PSEN1: variants seen among roughly 807,000 people sequenced by gnomAD.
PSEN1 encodes presenilin 1, also known as presenilin-1.
PSEN1 carries 15 observed loss-of-function variants against 53.5 expected under a neutral mutation model. That is an observed-to-expected ratio of 0.28 (90% CI 0.19 to 0.43). The LOEUF (loss-of-function observed/expected upper bound fraction) is 0.43. Ranked by LOEUF, PSEN1 falls within the 20% of genes least tolerant of loss-of-function variation. PSEN1 has a pLI of 1.00. For missense variants in PSEN1, 387 were observed against 571.2 expected, an observed-to-expected ratio of 0.68 and a Z score of 3.29; for synonymous variants, 208 against 209.8, an observed-to-expected ratio of 0.99 and a Z score of 0.08.
chr14:73,215,846 G>T (rs1899891940), intron 10 of PSEN1, among the ~76,000 whole-genome samples: 1 of 152,196 alleles, frequency 6.6e-6, no homozygotes, highest in Admixed American at 6.5e-5. Flanking sequence ...ATTGTTGCTG[G>T]TGGAAATTCA....
At chr14:73,181,419 A>G (rs1397316952) in intron 5 of PSEN1, among the ~76,000 whole-genome samples, 6 of 152,180 alleles carry the variant, frequency 3.9e-5, no homozygotes, top group Admixed American at 3.9e-4. Context: ...CCTGGGCAAC[A>G]AGAGCAAAAC....
chr14:73,155,189 G>A (rs1286362169), intron 3 of PSEN1, among the ~76,000 whole-genome samples: 1 of 152,158 alleles, frequency 6.6e-6, no homozygotes, highest in African/African-American at 2.4e-5. Context: ...TACCCAGTTA[G>A]TAGTGTAAAG....
chr14:73,151,877 T>TA (rs1187783388), intron 3 of PSEN1, among the ~76,000 whole-genome samples: 69 of 62,564 alleles, frequency 1.1e-3, no homozygotes, highest in African/African-American at 2.0e-3. Context: ...CCTAAAATAT[T>TA]TTATATATAT....
At chr14:73,190,501 A>T (rs893564294) in intron 6 of PSEN1, among the ~76,000 whole-genome samples, 2 of 152,148 alleles carry the variant, frequency 1.3e-5, no homozygotes, top group South Asian at 2.1e-4. Flanking sequence ...AAAAAAAAAA[A>T]AAAATTAAAA....
At chr14:73,206,313 A>C in intron 8 of PSEN1, 73 bp from the exon 9 acceptor site, 2 of 1,034,990 alleles carry the variant, frequency 1.9e-6, no homozygotes, top group Non-Finnish European at 3.1e-6. Flanking sequence ...TGTGTGGAGA[A>C]ATGATGGCTT....
chr14:73,199,944 A>G (rs1484828817), intron 8 of PSEN1, among the ~76,000 whole-genome samples: 4 of 152,018 alleles, frequency 2.6e-5, no homozygotes, highest in South Asian at 4.1e-4. Flanking sequence ...ACACGGTTTC[A>G]CCATGTTGAC....
Position 73,191,374 on chromosome 14 carries a change from T to C in PSEN1, c.549-1270T>C, listed in dbSNP as rs376100145. Among the ~76,000 whole-genome samples, 29 of 152,086 alleles carry C rather than the reference T, an allele frequency of 1.9e-4. 1 individual carries two copies. The highest frequency in any genetic ancestry group is 1.2e-3 in the East Asian group (6 of 5,186). On this transcript the variant is annotated intron_variant, in intron 6 of 11. Transcript: ENST00000324501. ...GTTTATATGTGTGTATTAAAAAATG[T>C]ATTTGTATATATGTGTATGTATAAG...
intron 1 of PSEN1, chr14:73,137,316 A>T (rs1472628790): frequency 6.6e-6 from 1 of 152,338 alleles, no homozygotes; most frequent in Non-Finnish European, 1.5e-5. Flanking sequence ...TCAGGGAATA[A>T]AGTGTGAAGT....
intron 8 of PSEN1, among the ~76,000 whole-genome samples, chr14:73,204,382 T>C (rs114285804): frequency 0.015 from 2,207 of 150,872 alleles, 45 homozygotes; most frequent in African/African-American, 0.048. Context: ...TGAAAAGTGA[T>C]TTTTAAAAAA....
chr14:73,171,200 G>T, intron 4 of PSEN1, 153 bp downstream of exon 4: 1 of 878,338 alleles, frequency 1.1e-6, no homozygotes, highest in Non-Finnish European at 1.8e-6. Flanking sequence ...AGAGAGCGAG[G>T]GGTTATTACT....
At chr14:73,214,902 C>T (rs1034093523) in intron 10 of PSEN1, among the ~76,000 whole-genome samples, 1 of 152,080 alleles carries the variant, frequency 6.6e-6, no homozygotes, top group Non-Finnish European at 1.5e-5. Flanking sequence ...TGTCTTTGAA[C>T]GGTGAACTTA....
intron 5 of PSEN1, among the ~76,000 whole-genome samples, chr14:73,179,617 CA>C (rs1327790747): frequency 2.7e-5 from 4 of 150,866 alleles, no homozygotes; most frequent in Admixed American, 6.6e-5. Flanking sequence ...ACTCTGTCTC[CA>C]AAAAAAAGGA....
At chr14:73,184,368 G>C (rs1277286140) in intron 5 of PSEN1, among the ~76,000 whole-genome samples, 1 of 114,936 alleles carries the variant, frequency 8.7e-6, no homozygotes. Flanking sequence ...CCTCCCGGAC[G>C]GGGCGGCTGG....
At chr14:73,175,058 T>C (rs932337078) in intron 5 of PSEN1, among the ~76,000 whole-genome samples, 3 of 152,276 alleles carry the variant, frequency 2.0e-5, no homozygotes, top group Non-Finnish European at 2.9e-5. Context: ...TGGTGGCTCA[T>C]GCCTGTAATC....
At chr14:73,211,672 A>G in intron 9 of PSEN1, 97 bp from the exon 10 acceptor site, 1 of 1,325,170 alleles carries the variant, frequency 7.5e-7, no homozygotes. Context: ...AGGGCCAGCT[A>G]GTTACAATGA....
rs1359147118 is a variant in PSEN1 at position 73,184,411 on chromosome 14, T to C, written c.481-2442T>C. Among the ~76,000 whole-genome samples the C allele has an allele frequency of 2.8e-3, 83 of 29,248 alleles. 1 individual carries two copies. The highest frequency in any genetic ancestry group is 9.8e-3 in the East Asian group (5 of 508). The allele number at this position is 29,248 out of a possible 152,430, so 19.2% of individuals were successfully genotyped here. On this transcript the variant is annotated intron_variant, in intron 5 of 11. Transcript: ENST00000324501. ...GGGGGCTGACCCCCCCACCTCCCTC[T>C]CCGACGGGGCGGCTGGCCTGGCAGA... is the stretch of plus-strand genomic sequence containing the variant.
At chr14:73,155,588 G>C (rs1377194169) in intron 3 of PSEN1, among the ~76,000 whole-genome samples, 1 of 152,000 alleles carries the variant, frequency 6.6e-6, no homozygotes, top group African/African-American at 2.4e-5. Flanking sequence ...AGTGCAGCCT[G>C]TAAGTCCTGG....
At chr14:73,194,329 G>A (rs1394617007) in intron 7 of PSEN1, among the ~76,000 whole-genome samples, 2 of 151,174 alleles carry the variant, frequency 1.3e-5, no homozygotes, top group Non-Finnish European at 2.9e-5. Flanking sequence ...GTGGCTTACT[G>A]CAGCCTCAAA....
chr14:73,147,206 G>A (rs1356639058), intron 1 of PSEN1, among the ~76,000 whole-genome samples: 4 of 152,066 alleles, frequency 2.6e-5, no homozygotes, highest in African/African-American at 4.8e-5. Context: ...GGCTGGTTTC[G>A]AACTCCTGAC....
Sources: allele counts gnomAD v4.1 joint callset (sites outside exome capture counted in the v4.1 genomes callset), GRCh38; gene constraint gnomAD v4.1.1; transcripts MANE v1.5; gene names NCBI Gene and HGNC (gene_info 2026-07-23, HGNC 2026-07-21).